Variants in PCDHGB2 observed in about 807,000 individuals in gnomAD.
PCDHGB2 encodes protocadherin gamma subfamily B, 2.
PCDHGB2 carries 55 observed loss-of-function variants against 59.3 expected under a neutral mutation model. That is an observed-to-expected ratio of 0.93 (90% confidence interval 0.75 to 1.16). The LOEUF is 1.16. Among genes scored for constraint, PCDHGB2 ranks in the 50% most tolerant of loss-of-function variants. PCDHGB2 has a pLI of 0.00. For synonymous variants in PCDHGB2, 516 were observed against 512.0 expected (o/e 1.01, Z -0.11); for missense variants, 1,228 against 1,198.5 (o/e 1.02, Z -0.36).
At chr5:141,434,199 T>G (rs1406339464) in intron 1 of PCDHGB2, among the ~76,000 whole-genome samples, 1 of 151,914 alleles carries the variant, frequency 6.6e-6, no homozygotes, top group Non-Finnish European at 1.5e-5. Context: ...CCAATGTACT[T>G]ACTTCTGTCA....
At chr5:141,372,739 G>T (rs778027776) in intron 1 of PCDHGB2, 2 of 1,613,668 alleles carry the variant, frequency 1.2e-6, no homozygotes, top group South Asian at 2.2e-5. Context: ...GATCTTCTAT[G>T]TGATGAAGCC....
intron 2 of PCDHGB2, among the ~76,000 whole-genome samples, chr5:141,496,744 T>C (rs1383447795): frequency 6.6e-6 from 1 of 152,170 alleles, no homozygotes; most frequent in Non-Finnish European, 1.5e-5. Context: ...GTTCATTTAT[T>C]CAACAAATAT....
intron 1 of PCDHGB2, among the ~76,000 whole-genome samples, chr5:141,442,879 A>T (rs1399128822): frequency 6.6e-6 from 1 of 152,256 alleles, no homozygotes; most frequent in Non-Finnish European, 1.5e-5. Flanking sequence ...TTTACAACTC[A>T]GAATCCCTGC....
At chr5:141,497,209 TG>T (rs11343387) in intron 2 of PCDHGB2, among the ~76,000 whole-genome samples, 90,704 of 151,262 alleles carry the variant, frequency 0.6, 29,397 homozygotes, top group African/African-American at 0.86. Context: ...GTGAGTGTAA[TG>T]GGGGGGGGAA....
intron 1 of PCDHGB2, chr5:141,364,297 C>A: frequency 6.6e-7 from 1 of 1,520,028 alleles, no homozygotes; most frequent in Non-Finnish European, 8.8e-7. Context: ...CAGGCTGAAC[C>A]AGAACTAAGA....
intron 1 of PCDHGB2, among the ~76,000 whole-genome samples, chr5:141,439,024 T>C (rs1278127532): frequency 2.0e-5 from 3 of 151,510 alleles, no homozygotes; most frequent in African/African-American, 7.3e-5. Flanking sequence ...ATTTTGAAAA[T>C]AGATGCCTCA....
In PCDHGB2 at chr5:141,448,129, C is replaced by A. The variant is rs116387986; in HGVS notation, c.2422-46678C>A. On this transcript the variant is annotated intron_variant, in intron 1 of 3. Coordinates refer to ENST00000522605, the MANE Select transcript of PCDHGB2 (RefSeq NM_018923.3). Reference sequence around the variant, plus strand: ...AGAAAAGAAAATTAGCCTCCCCCACCCTCACTATACCTCAGACTCACCCCT... The same window carrying A: ...AGAAAAGAAAATTAGCCTCCCCCACACTCACTATACCTCAGACTCACCCCT... 4.4e-3 allele frequency among the ~76,000 whole-genome samples: 671 copies of A among 152,002 alleles called. 4 individuals carry two copies. Among genetic ancestry groups the A allele is most frequent in the African/African-American group, 0.015 (612 of 41,466 alleles).
chr5:141,364,771 T>C (rs1763529395), intron 1 of PCDHGB2: 4 of 1,614,002 alleles, frequency 2.5e-6, no homozygotes, highest in Non-Finnish European at 3.4e-6. Flanking sequence ...AAAATGCGGC[T>C]GCAGGGACAC....
chr5:141,389,270 C>A, intron 1 of PCDHGB2: 1 of 1,614,004 alleles, frequency 6.2e-7, no homozygotes, highest in Non-Finnish European at 8.5e-7. Flanking sequence ...TGGCCGAGAA[C>A]AACCCGCCTG....
intron 1 of PCDHGB2, chr5:141,371,015 TCAC>T: frequency 1.9e-6 from 3 of 1,613,966 alleles, no homozygotes; most frequent in Non-Finnish European, 2.5e-6. Flanking sequence ...AGCAGCCACA[TCAC>T]CACCTGGTCC....
chr5:141,476,574 G>A lies in PCDHGB2; in HGVS notation c.2422-18233G>A, dbSNP rs746783993. ...AGCGAGGCCGTGGCTCCGGGGACGC[G>A]CTTTCCGCTCGAGAGCGCGCACGAT... is the stretch of plus-strand genomic sequence containing the variant. On this transcript the variant is annotated intron_variant, in intron 1 of 3. Coordinates refer to ENST00000522605, the MANE Select transcript of PCDHGB2 (RefSeq NM_018923.3). The surrounding 1 kb of genome is among the most constrained non-coding windows in gnomAD (Gnocchi z 7.6). 40 of 1,614,084 alleles carry A rather than the reference G, an allele frequency of 2.5e-5. No homozygotes were observed. In the African/African-American group the frequency reaches 3.7e-4, roughly 15 times the overall value.
Position 141,392,253 on chromosome 5 carries a change from T to C in PCDHGB2, c.2421+29697T>C, listed in dbSNP as rs1051019631. ...GTTCTTAGTTATTTGTTAGTATATATTGGAGACATTTACAATAAAGCTTAG... is the reference window on the plus strand; with the variant it reads ...GTTCTTAGTTATTTGTTAGTATATACTGGAGACATTTACAATAAAGCTTAG... On this transcript the variant is annotated intron_variant, in intron 1 of 3. Transcript: ENST00000522605. 3.9e-5 allele frequency: 6 copies of C among 152,218 alleles called. No individual in the cohort carries two copies. The South Asian group carries it at 6.2e-4, about 16-fold the overall frequency. The allele number at this position is 152,218 out of a possible 1,614,324, so 9.4% of individuals were successfully genotyped here. A position where few individuals can be genotyped will look rare whatever the true frequency, so the allele number is the denominator to read the frequency against.
At chr5:141,453,780 C>T (rs1330142662) in intron 1 of PCDHGB2, among the ~76,000 whole-genome samples, 3 of 152,090 alleles carry the variant, frequency 2.0e-5, no homozygotes, top group African/African-American at 4.8e-5. Flanking sequence ...TTTTAGTTAC[C>T]ATGGTATATT....
intron 1 of PCDHGB2, among the ~76,000 whole-genome samples, chr5:141,401,393 A>G (rs2094149748): frequency 6.6e-6 from 1 of 152,202 alleles, no homozygotes. Context: ...ACTACATGTT[A>G]TGTGTATGAG....
chr5:141,388,170 T>C (rs756859307), intron 1 of PCDHGB2: 9 of 1,495,754 alleles, frequency 6.0e-6, no homozygotes, highest in Non-Finnish European at 8.3e-6. Flanking sequence ...GGAGGAGATA[T>C]GCGGGAAGAA....
intron 1 of PCDHGB2, chr5:141,394,449 A>G (rs773696678): frequency 2.5e-6 from 4 of 1,614,112 alleles, no homozygotes; most frequent in Admixed American, 1.7e-5. Context: ...CAGCAGCAAC[A>G]TGTCACTGAG....
intron 1 of PCDHGB2, chr5:141,400,715 T>C: frequency 1.5e-6 from 1 of 682,576 alleles, no homozygotes; most frequent in Non-Finnish European, 2.4e-6. Context: ...AGTAGCCTTA[T>C]AGATTTACAA....
intron 1 of PCDHGB2, among the ~76,000 whole-genome samples, chr5:141,459,838 A>C (rs944807247): frequency 1.3e-5 from 2 of 152,098 alleles, no homozygotes; most frequent in African/African-American, 4.8e-5. Context: ...TGTGTTGTCT[A>C]TTTGTATATC....
chr5:141,400,954 G>A (rs1195267748), intron 1 of PCDHGB2, among the ~76,000 whole-genome samples: 1 of 152,014 alleles, frequency 6.6e-6, no homozygotes, highest in African/African-American at 2.4e-5. Context: ...GATTTCACTG[G>A]TAGTTTTCAT....
Sources: allele counts gnomAD v4.1 joint callset (sites outside exome capture counted in the v4.1 genomes callset), GRCh38; gene constraint gnomAD v4.1.1; non-coding constraint Gnocchi (gnomAD v3.1); transcripts MANE v1.5; gene names NCBI Gene and HGNC (gene_info 2026-07-23, HGNC 2026-07-21).